Variants in NMT1 observed in about 807,000 individuals in gnomAD.
The protein encoded by NMT1 is N-myristoyltransferase 1, also known as glycylpeptide N-tetradecanoyltransferase 1.
Under a neutral mutation model 63.4 loss-of-function variants are expected in NMT1, and 12 were observed. The ratio of observed to expected loss-of-function variants is 0.19; its 90% CI spans 0.12 to 0.31. The LOEUF is 0.31. NMT1 is among the 10% of genes least tolerant of loss of function. NMT1 has a pLI of 1.00. For synonymous variants in NMT1, 228 were observed against 234.3 expected, an observed-to-expected ratio of 0.97 and a Z score of 0.25; for missense variants, 432 against 634.6, an observed-to-expected ratio of 0.68 and a Z score of 3.43.
intron 3 of NMT1, 58 bp from the exon 4 acceptor site, chr17:45,093,627 G>C: frequency 7.0e-7 from 1 of 1,425,060 alleles, no homozygotes; most frequent in Non-Finnish European, 9.8e-7. Flanking sequence ...TTTGAACTGA[G>C]CCCTTTACTG....
chr17:45,077,623 C>T (rs980730760), intron 1 of NMT1, among the ~76,000 whole-genome samples: 5 of 152,220 alleles, frequency 3.3e-5, no homozygotes, highest in Non-Finnish European at 7.3e-5. Context: ...CTCCCGACCT[C>T]AGGTGATCCG....
At chr17:45,083,807 C>A (rs576253833) in intron 2 of NMT1, 2 of 152,188 alleles carry the variant, frequency 1.3e-5, no homozygotes, top group East Asian at 3.9e-4. Flanking sequence ...GACATGGGGT[C>A]TCCCTGCATT....
At chr17:45,076,455 A>G (rs527376303) in intron 1 of NMT1, among the ~76,000 whole-genome samples, 1 of 151,890 alleles carries the variant, frequency 6.6e-6, no homozygotes, top group South Asian at 2.1e-4. Flanking sequence ...ATTAAAGAAA[A>G]AAAAAAAAAA....
rs888166470 is a variant in NMT1 at position 45,107,931 on chromosome 17, G to A, written c.*2292G>A. 2.0e-5 allele frequency: 3 copies of A among 152,264 alleles called. No homozygotes were observed. The highest frequency in any genetic ancestry group is 7.2e-5 in the African/African-American group (3 of 41,460). The allele number at this position is 152,264 out of a possible 1,614,324, so 9.4% of individuals were successfully genotyped here. Reference sequence around the variant, plus strand: ...TGAGAACTCTGCCCAGGTGTGCAGGGTTTGGCTTGTGGGCTGCTTGCTGCT... The same window carrying A: ...TGAGAACTCTGCCCAGGTGTGCAGGATTTGGCTTGTGGGCTGCTTGCTGCT... On this transcript the variant is annotated 3_prime_UTR_variant, in exon 12 of 12. Coordinates refer to ENST00000258960, the MANE Select transcript of NMT1 (RefSeq NM_021079.5).
chr17:45,068,866 C>T (rs2053920452), intron 1 of NMT1, among the ~76,000 whole-genome samples: 2 of 151,984 alleles, frequency 1.3e-5, no homozygotes, highest in Non-Finnish European at 2.9e-5. Context: ...AGGCTGGTCT[C>T]GAACTCCTGG....
chr17:45,082,233 G>A (rs890462887), intron 2 of NMT1, among the ~76,000 whole-genome samples: 10 of 150,916 alleles, frequency 6.6e-5, no homozygotes, highest in Admixed American at 5.3e-4. Flanking sequence ...AGCCTCCCAA[G>A]TAGCTGGGAC....
At position 45,105,873 on chromosome 17, in the gene NMT1, C is replaced by G. The variant is rs1012864617; in HGVS notation, c.*234C>G. The G allele has an allele frequency of 1.9e-6, 1 of 524,796 alleles. No individual in the cohort carries two copies. The highest frequency in any genetic ancestry group is 3.3e-6 in the Non-Finnish European group (1 of 300,296). 32.5% of individuals were successfully genotyped at this position (524,796 alleles called of 1,614,324 possible). On this transcript the variant is annotated 3_prime_UTR_variant, in exon 12 of 12. Transcript: ENST00000258960. The surrounding 1 kb of genome is among the most constrained non-coding windows in gnomAD (Gnocchi z 4.2). ...TCCGTGTTTTCCAGTTAATTACATC[C>G]TCATGCAGCCGTGATCAAGGGAATG...
At chr17:45,094,274 C>T (rs1330533085) in intron 4 of NMT1, among the ~76,000 whole-genome samples, 2 of 151,868 alleles carry the variant, frequency 1.3e-5, no homozygotes, top group African/African-American at 4.8e-5. Flanking sequence ...GCAGGCGGAT[C>T]ATGAGGTCAG....
intron 1 of NMT1, among the ~76,000 whole-genome samples, chr17:45,077,548 G>A (rs963782750): frequency 2.0e-5 from 3 of 152,026 alleles, no homozygotes; most frequent in Non-Finnish European, 4.4e-5. Context: ...GTGCCACCAC[G>A]CCCGGCTAAT....
At chr17:45,070,798 C>T (rs55960502) in intron 1 of NMT1, among the ~76,000 whole-genome samples, 33,312 of 152,062 alleles carry the variant, frequency 0.22, 4,256 homozygotes, top group African/African-American at 0.34. Context: ...GTGATCTGCC[C>T]GCCTTGGCCT....
At chr17:45,101,219 A>G (rs1161225107) in intron 8 of NMT1, among the ~76,000 whole-genome samples, 2 of 151,322 alleles carry the variant, frequency 1.3e-5, no homozygotes, top group Non-Finnish European at 2.9e-5. Flanking sequence ...GGATTTTGCC[A>G]TGTTGCCCAG....
intron 1 of NMT1, among the ~76,000 whole-genome samples, chr17:45,064,398 T>C (rs2053888182): frequency 6.6e-6 from 1 of 152,194 alleles, no homozygotes; most frequent in South Asian, 2.1e-4. Context: ...AGTCTAATTC[T>C]GGCACTAAGA....
In NMT1 at chr17:45,104,684, A is replaced by G; in HGVS notation, c.1333-175A>G. 7.0e-7 allele frequency: 1 copy of G among 1,436,494 alleles called. No homozygotes were observed. The highest frequency in any genetic ancestry group is 1.5e-5 in the South Asian group (1 of 67,978). The allele number at this position is 1,436,494 out of a possible 1,614,324, so 89.0% of individuals were successfully genotyped here. A position where few individuals can be genotyped will look rare whatever the true frequency, so the allele number is the denominator to read the frequency against. ...AGGCCAGGCTGGAGGGGGCGCTCAG[A>G]GTGTCCTGAGAACCACCCGGAGAGC... On this transcript the variant is annotated intron_variant, in intron 10 of 11. Coordinates refer to ENST00000258960, the MANE Select transcript of NMT1 (RefSeq NM_021079.5). The surrounding 1 kb of genome is among the most constrained non-coding windows in gnomAD (Gnocchi z 4.2).
chr17:45,081,255 A>G (rs2143480127), intron 1 of NMT1, among the ~76,000 whole-genome samples: 1 of 152,370 alleles, frequency 6.6e-6, no homozygotes. Flanking sequence ...AAAGCCCATC[A>G]CTGCCTTTTG....
In NMT1 at chr17:45,105,982, A is replaced by G. The variant is rs932467552; in HGVS notation, c.*343A>G. The G allele has an allele frequency of 2.0e-5, 3 of 150,056 alleles. No individual in the cohort carries two copies. The highest frequency in any genetic ancestry group is 7.3e-5 in the African/African-American group (3 of 41,004). The allele number at this position is 150,056 out of a possible 1,614,324, so 9.3% of individuals were successfully genotyped here. On this transcript the variant is annotated 3_prime_UTR_variant, in exon 12 of 12. Transcript: ENST00000258960. This position sits in a 1 kb window ranked among gnomAD's most constrained non-coding sequence, Gnocchi z 4.2. Reference sequence around the variant, plus strand: ...AAGTATATATATATATTATATATATATAAATATTTTAAATATCTTTCATGT... The same window carrying G: ...AAGTATATATATATATTATATATATGTAAATATTTTAAATATCTTTCATGT...
At chr17:45,073,006 C>A (rs1034989765) in intron 1 of NMT1, among the ~76,000 whole-genome samples, 1 of 152,136 alleles carries the variant, frequency 6.6e-6, no homozygotes, top group African/African-American at 2.4e-5. Flanking sequence ...CTCTTTTGGG[C>A]TCTAGCTTTT....
chr17:45,068,686 G>A (rs530328358), intron 1 of NMT1, among the ~76,000 whole-genome samples: 9 of 152,118 alleles, frequency 5.9e-5, no homozygotes, highest in Non-Finnish European at 8.8e-5. Flanking sequence ...TCACTCTGTC[G>A]CCCAGGCTGG....
intron 3 of NMT1, among the ~76,000 whole-genome samples, chr17:45,091,327 G>C (rs756003645): frequency 6.6e-6 from 1 of 151,902 alleles, no homozygotes; most frequent in African/African-American, 2.4e-5. Flanking sequence ...TGTCCATGAT[G>C]GTGAGGACCT....
intron 1 of NMT1, among the ~76,000 whole-genome samples, chr17:45,076,907 G>A (rs544196838): frequency 3.9e-5 from 6 of 152,210 alleles, no homozygotes; most frequent in Non-Finnish European, 8.8e-5. Flanking sequence ...TTTTAGTTTC[G>A]GTCTTGGAGA....
Sources: allele counts gnomAD v4.1 joint callset (sites outside exome capture counted in the v4.1 genomes callset), GRCh38; gene constraint gnomAD v4.1.1; non-coding constraint Gnocchi (gnomAD v3.1); transcripts MANE v1.5; gene names NCBI Gene and HGNC (gene_info 2026-07-23, HGNC 2026-07-21).